Variants in BACH2 observed in about 807,000 individuals in gnomAD.
The protein encoded by BACH2 is BACH transcriptional regulator 2, also known as transcription regulator protein BACH2.
BACH2 carries 5 observed loss-of-function variants against 61.8 expected under a neutral mutation model. The observed-to-expected ratio is 0.08, with a 90% CI of 0.04 to 0.17. The LOEUF (loss-of-function observed/expected upper bound fraction) is 0.17. Ranked by LOEUF, BACH2 falls within the 10% of genes least tolerant of loss-of-function variation. BACH2 has a pLI of 1.00. For missense variants in BACH2, 824 were observed against 1,091.1 expected (o/e 0.76, Z 3.45); for synonymous variants, 446 against 440.1 (o/e 1.01, Z -0.17).
chr6:90,014,464 ATATATTTTTTTT>A (rs1777934581), intron 5 of BACH2, among the ~76,000 whole-genome samples: 2 of 56,430 alleles, frequency 3.5e-5, no homozygotes, highest in African/African-American at 1.1e-4. Context: ...ATATATATAT[ATATATTTTTTTT>A]TTTTTTTTTT....
intron 6 of BACH2, among the ~76,000 whole-genome samples, chr6:89,972,265 G>C (rs1167598209): frequency 1.3e-5 from 2 of 152,144 alleles, no homozygotes; most frequent in Non-Finnish European, 2.9e-5. Flanking sequence ...GCTGCATTTG[G>C]GGAACAAGCC....
intron 6 of BACH2, among the ~76,000 whole-genome samples, chr6:89,968,473 T>C (rs1582112562): frequency 6.6e-6 from 1 of 152,212 alleles, no homozygotes; most frequent in African/African-American, 2.4e-5. Flanking sequence ...GGCAATAACA[T>C]TACATGTTTA....
chr6:89,986,580 C>T (rs1776252192), intron 6 of BACH2, among the ~76,000 whole-genome samples: 2 of 151,994 alleles, frequency 1.3e-5, no homozygotes. Flanking sequence ...GACATTTTCC[C>T]TGTCACTAAA....
chr6:90,097,048 C>A (rs1465533543), intron 4 of BACH2, among the ~76,000 whole-genome samples: 1 of 152,186 alleles, frequency 6.6e-6, no homozygotes, highest in Non-Finnish European at 1.5e-5. Context: ...ACATCCAGCA[C>A]CAGGCTCTTT....
intron 5 of BACH2, among the ~76,000 whole-genome samples, chr6:90,079,753 G>A (rs771295814): frequency 2.0e-5 from 3 of 152,076 alleles, no homozygotes; most frequent in Non-Finnish European, 4.4e-5. Flanking sequence ...GGCAATAAAT[G>A]GAAAATCTTA....
At position 90,021,237 on chromosome 6, in the gene BACH2, G is replaced by A. The variant is rs190447614; in HGVS notation, c.-12-12381C>T. ...ACTCATTGACTCTTCATTCATTATC[G>A]GGTCATATTCAGAAATGAAAATGTC... On this transcript the variant is annotated intron_variant, in intron 5 of 8. Transcript: ENST00000257749. Among the ~76,000 whole-genome samples, 10 of 150,654 alleles carry A rather than the reference G, an allele frequency of 6.6e-5. No homozygotes were observed. The East Asian group carries it at 1.8e-3, about 26-fold the overall frequency.
chr6:89,977,390 T>C (rs1300632982), intron 6 of BACH2, among the ~76,000 whole-genome samples: 1 of 152,244 alleles, frequency 6.6e-6, no homozygotes, highest in East Asian at 1.9e-4. Flanking sequence ...CTTGGATTAA[T>C]AACTACCCAT....
intron 3 of BACH2, among the ~76,000 whole-genome samples, chr6:90,249,750 G>A (rs1770746971): frequency 6.6e-6 from 1 of 152,130 alleles, no homozygotes; most frequent in Admixed American, 6.5e-5. Flanking sequence ...ACTCTAGCCT[G>A]GTTGACAGAG....
intron 3 of BACH2, among the ~76,000 whole-genome samples, chr6:90,244,108 G>C (rs1193168873): frequency 2.6e-5 from 4 of 152,020 alleles, no homozygotes; most frequent in Non-Finnish European, 5.9e-5. Context: ...TTTTAGTAGG[G>C]ACAGGGTTTC....
In BACH2 at chr6:89,950,676, G is replaced by A. The variant is rs761051258; in HGVS notation, c.1430C>T (p.Ser477Leu). ...CAGCCCACCGTGGGAGTAGGCCTGC[G>A]AGCTGGGGAGGGACTGGCCGGCTCC... The part of the protein sequence containing the change: ...WVGAGQSLPS[S>L]QAYSHGGLMA... The change falls in exon 7 of 9, where the codon TCG becomes TTG. Residue 477 changes from serine to leucine, a missense_variant. Physicochemically the swap from Ser to Leu is moderately radical, Grantham distance 145. Coordinates refer to ENST00000257749, the MANE Select transcript of BACH2 (RefSeq NM_021813.4). The surrounding 1 kb of genome is among the most constrained non-coding windows in gnomAD (Gnocchi z 5.3). 5.0e-6 allele frequency: 8 copies of A among 1,614,168 alleles called. No homozygotes were observed. The highest frequency in any genetic ancestry group is 5.9e-6 in the Non-Finnish European group (7 of 1,180,040).
chr6:90,147,727 G>C (rs1784671897), intron 4 of BACH2, among the ~76,000 whole-genome samples: 2 of 152,160 alleles, frequency 1.3e-5, no homozygotes, highest in Admixed American at 6.5e-5. Flanking sequence ...TTTCTCCTGA[G>C]CACCGTAATT....
intron 6 of BACH2, among the ~76,000 whole-genome samples, chr6:90,005,039 A>G (rs1439822669): frequency 6.6e-6 from 1 of 151,890 alleles, no homozygotes; most frequent in Non-Finnish European, 1.5e-5. Flanking sequence ...GCCTCCCTCT[A>G]TTTTTGTCTG....
intron 1 of BACH2, among the ~76,000 whole-genome samples, chr6:90,293,732 G>A (rs1772252869): frequency 6.6e-6 from 1 of 152,166 alleles, no homozygotes; most frequent in Non-Finnish European, 1.5e-5. Flanking sequence ...CCCTCTATCA[G>A]GTGGAAACAT....
intron 3 of BACH2, among the ~76,000 whole-genome samples, chr6:90,230,175 C>T (rs191652811): frequency 6.6e-6 from 1 of 152,258 alleles, no homozygotes; most frequent in Admixed American, 6.5e-5. Context: ...GGTTCAAATC[C>T]CTGCTCCACT....
intron 5 of BACH2, among the ~76,000 whole-genome samples, chr6:90,073,816 T>C (rs1205246796): frequency 6.6e-6 from 1 of 152,228 alleles, no homozygotes; most frequent in East Asian, 1.9e-4. Flanking sequence ...TCCCTCTCCA[T>C]GCTCCACCCA....
At chr6:90,284,914 A>C (rs1771971581) in intron 1 of BACH2, among the ~76,000 whole-genome samples, 1 of 152,224 alleles carries the variant, frequency 6.6e-6, no homozygotes, top group Admixed American at 6.5e-5. Flanking sequence ...ACACACAGTC[A>C]CTGTGGCTTT....
At chr6:90,193,397 C>CG (rs1322959383) in intron 4 of BACH2, among the ~76,000 whole-genome samples, 2 of 152,108 alleles carry the variant, frequency 1.3e-5, no homozygotes, top group Admixed American at 6.5e-5. Context: ...TGAAGAGACT[C>CG]GGGAAAAGGT....
At chr6:90,243,173 C>T (rs942280316) in intron 3 of BACH2, among the ~76,000 whole-genome samples, 1 of 150,578 alleles carries the variant, frequency 6.6e-6, no homozygotes, top group Non-Finnish European at 1.5e-5. Context: ...GGATTACAGG[C>T]GTGAGCCAAT....
intron 3 of BACH2, among the ~76,000 whole-genome samples, chr6:90,227,969 T>A (rs976174435): frequency 2.0e-5 from 3 of 152,220 alleles, no homozygotes; most frequent in Admixed American, 2.0e-4. Context: ...CCATTTGCCA[T>A]CCCCAGCCTT....
Sources: allele counts gnomAD v4.1 joint callset (sites outside exome capture counted in the v4.1 genomes callset), GRCh38; gene constraint gnomAD v4.1.1; non-coding constraint Gnocchi (gnomAD v3.1); transcripts MANE v1.5; gene names NCBI Gene and HGNC (gene_info 2026-07-23, HGNC 2026-07-21).